The following FOXP2 variants were observed in gnomAD, a reference collection of about 807,000 sequenced individuals.
The protein encoded by FOXP2 is forkhead box protein P2.
FOXP2 carries 12 observed loss-of-function variants against 115.8 expected under a neutral mutation model. The observed-to-expected ratio is 0.10, with a 90% confidence interval of 0.07 to 0.17. FOXP2 has a LOEUF of 0.17. Ranked by LOEUF, FOXP2 falls within the 10% of genes least tolerant of loss-of-function variation. The pLI is 1.00. For synonymous variants in FOXP2, 328 were observed against 297.7 expected, an observed-to-expected ratio of 1.10 and a Z score of -1.05; for missense variants, 629 against 843.5, an observed-to-expected ratio of 0.75 and a Z score of 3.15.
intron 1 of FOXP2, among the ~76,000 whole-genome samples, chr7:114,122,624 G>A (rs865888630): frequency 1.1e-4 from 17 of 151,966 alleles, no homozygotes; most frequent in African/African-American, 3.9e-4. Context: ...TTCTCTGTGG[G>A]CTGTCAGGTA....
intron 1 of FOXP2, among the ~76,000 whole-genome samples, chr7:114,120,698 A>ATGTGTGTGTGTG (rs111628410): frequency 1.3e-5 from 2 of 149,314 alleles, no homozygotes; most frequent in African/African-American, 4.9e-5. Flanking sequence ...GTGTATATGT[A>ATGTGTGTGTGTG]TGTGTGTGTG....
chr7:114,340,589 G>T (rs933609473), intron 2 of FOXP2, among the ~76,000 whole-genome samples: 1 of 151,020 alleles, frequency 6.6e-6, no homozygotes, highest in Admixed American at 6.6e-5. Context: ...TTTGCAAAGT[G>T]CCTCACCTAA....
chr7:114,254,262 A>G (rs1384897789), intron 1 of FOXP2, among the ~76,000 whole-genome samples: 1 of 152,062 alleles, frequency 6.6e-6, no homozygotes, highest in African/African-American at 2.4e-5. Context: ...GAATCTGACA[A>G]TTAGTGTCTT....
chr7:114,623,601 G>A (rs1338599795), intron 3 of FOXP2, among the ~76,000 whole-genome samples: 1 of 151,764 alleles, frequency 6.6e-6, no homozygotes, highest in Non-Finnish European at 1.5e-5. Flanking sequence ...ACAATGACAC[G>A]CCTATATGAG....
chr7:114,456,681 G>A (rs1445709679), intron 2 of FOXP2, among the ~76,000 whole-genome samples: 1 of 151,966 alleles, frequency 6.6e-6, no homozygotes, highest in Admixed American at 6.6e-5. Flanking sequence ...ATTAGCATGT[G>A]GAATTAATTA....
At chr7:114,428,893 C>T (rs964534805) in intron 2 of FOXP2, among the ~76,000 whole-genome samples, 12 of 151,430 alleles carry the variant, frequency 7.9e-5, no homozygotes, top group East Asian at 3.9e-4. Context: ...TTTATCTCTA[C>T]GTGTTGTTAT....
At chr7:114,270,419 C>A (rs929324263) in intron 1 of FOXP2, among the ~76,000 whole-genome samples, 1 of 152,246 alleles carries the variant, frequency 6.6e-6, no homozygotes, top group Admixed American at 6.5e-5. Context: ...AGTGGCCATG[C>A]AATTTTGCAT....
intron 3 of FOXP2, chr7:114,538,404 A>AT (rs1207879871): frequency 1.6e-6 from 2 of 1,280,830 alleles, no homozygotes; most frequent in Non-Finnish European, 2.1e-6. Context: ...TTGCTTTGCT[A>AT]TCTTAGATGA....
chr7:114,477,910 G>T (rs542532232), intron 2 of FOXP2, among the ~76,000 whole-genome samples: 1 of 151,752 alleles, frequency 6.6e-6, no homozygotes, highest in Non-Finnish European at 1.5e-5. Flanking sequence ...TAAGATAGAA[G>T]ATAACAGCCT....
intron 3 of FOXP2, among the ~76,000 whole-genome samples, chr7:114,622,931 C>G (rs979829161): frequency 6.6e-6 from 1 of 151,826 alleles, no homozygotes; most frequent in Non-Finnish European, 1.5e-5. Context: ...GCTCACTAGC[C>G]ATATAAACAT....
At chr7:114,526,361 C>A (rs1798861530) in intron 2 of FOXP2, among the ~76,000 whole-genome samples, 1 of 150,730 alleles carries the variant, frequency 6.6e-6, no homozygotes, top group Non-Finnish European at 1.5e-5. Flanking sequence ...CCTGTAATCC[C>A]AGATACTCGG....
intron 2 of FOXP2, among the ~76,000 whole-genome samples, chr7:114,392,547 G>A (rs1792629156): frequency 6.6e-6 from 1 of 152,094 alleles, no homozygotes; most frequent in South Asian, 2.1e-4. Flanking sequence ...TGATCAACTG[G>A]GATAGTAAAT....
chr7:114,665,114 G>A (rs559920100), intron 16 of FOXP2: 2 of 152,218 alleles, frequency 1.3e-5, no homozygotes, highest in African/African-American at 4.8e-5. Context: ...TGAGAGAGTA[G>A]AAGTATTAAA....
intron 1 of FOXP2, among the ~76,000 whole-genome samples, chr7:114,284,597 A>G (rs1796420615): frequency 6.6e-6 from 1 of 152,190 alleles, no homozygotes; most frequent in South Asian, 2.1e-4. Flanking sequence ...AGGAATGCTT[A>G]TACGTTGTTG....
At chr7:114,366,153 G>T (rs935212290) in intron 2 of FOXP2, among the ~76,000 whole-genome samples, 2 of 152,090 alleles carry the variant, frequency 1.3e-5, no homozygotes, top group African/African-American at 4.8e-5. Flanking sequence ...TTTGTCCCTT[G>T]AGGTGTTTAT....
chr7:114,259,757 T>TA (rs1341043403), intron 1 of FOXP2, among the ~76,000 whole-genome samples: 10 of 152,190 alleles, frequency 6.6e-5, no homozygotes, highest in African/African-American at 2.2e-4. Context: ...GTTTTCCTGA[T>TA]AATAATCTTG....
In FOXP2 at chr7:114,370,316, G is replaced by A. The variant is rs867167998; in HGVS notation, c.-10-56186G>A. On this transcript the variant is annotated intron_variant, in intron 2 of 17. Coordinates refer to the FOXP2 transcript ENST00000634411. The stretch of plus-strand genomic sequence containing the variant: ...GACATCACACAGAATACCAAGGTAT[G>A]CAATGTCCAATCCCTCTCTGAAGCA... Among the ~76,000 whole-genome samples the A allele has an allele frequency of 3.3e-5, 5 of 152,216 alleles. No individual in the cohort carries two copies. In the South Asian group the frequency reaches 6.2e-4, roughly 19 times the overall value.
intron 1 of FOXP2, among the ~76,000 whole-genome samples, chr7:114,249,369 C>T (rs905048641): frequency 2.0e-5 from 3 of 152,194 alleles, no homozygotes; most frequent in East Asian, 1.9e-4. Context: ...CCTTCCCCCC[C>T]GTTCCCCCCA....
intron 2 of FOXP2, among the ~76,000 whole-genome samples, chr7:114,389,604 T>A (rs1354183885): frequency 6.6e-6 from 1 of 152,134 alleles, no homozygotes; most frequent in Admixed American, 6.5e-5. Context: ...TACTGATCAA[T>A]CCCCATTGTG....
Sources: allele counts gnomAD v4.1 joint callset (sites outside exome capture counted in the v4.1 genomes callset), GRCh38; gene constraint gnomAD v4.1.1; transcripts MANE v1.5; gene names NCBI Gene and HGNC (gene_info 2026-07-23, HGNC 2026-07-21).